The following ZFAT variants were observed in gnomAD, a reference collection of about 807,000 sequenced individuals.
ZFAT encodes zinc finger and AT-hook domain containing, also known as zinc finger protein ZFAT.
Under a neutral mutation model 117.7 loss-of-function variants are expected in ZFAT, and 64 were observed. That is an observed-to-expected ratio of 0.54 (90% CI 0.44 to 0.67). ZFAT has a LOEUF of 0.67. Ranked by LOEUF, ZFAT falls within the 30% of genes least tolerant of loss-of-function variation. The pLI is 0.00. For synonymous variants in ZFAT, 679 were observed against 615.0 expected (o/e 1.10, Z -1.54); for missense variants, 1,433 against 1,584.5 (o/e 0.90, Z 1.62).
Position 134,657,747 on chromosome 8 carries a change from A to G in ZFAT, c.20-10T>C, listed in dbSNP as rs765385042. On this transcript the variant is annotated splice_polypyrimidine_tract_variant and intron_variant, in intron 1 of 15. Coordinates refer to ENST00000377838, the MANE Select transcript of ZFAT (RefSeq NM_020863.4). ...AAGATGGCCGTGTTTTCTGTAAGGAAAAAAAAGGAAAATATGTTATTTCAT... is the reference window on the plus strand; with the variant it reads ...AAGATGGCCGTGTTTTCTGTAAGGAGAAAAAAGGAAAATATGTTATTTCAT... 5.6e-6 allele frequency: 9 copies of G among 1,607,682 alleles called. No homozygotes were observed. The highest frequency in any genetic ancestry group is 1.7e-5 in the Admixed American group (1 of 58,838).
intron 15 of ZFAT, among the ~76,000 whole-genome samples, chr8:134,505,769 G>A (rs546986916): frequency 2.6e-4 from 40 of 152,248 alleles, no homozygotes; most frequent in Non-Finnish European, 4.4e-4. Context: ...TAGCTCTCTC[G>A]ACACCTTGAG....
At chr8:134,557,680 A>C (rs373942284) in intron 11 of ZFAT, among the ~76,000 whole-genome samples, 2 of 152,242 alleles carry the variant, frequency 1.3e-5, no homozygotes, top group African/African-American at 4.8e-5. Flanking sequence ...AGAAGACAGA[A>C]AAGAAGGAAA....
chr8:134,516,312 G>T lies in ZFAT; in HGVS notation c.3235-3711C>A, dbSNP rs139894229. Among the ~76,000 whole-genome samples the T allele has an allele frequency of 1.2e-4, 18 of 152,264 alleles. No individual in the cohort carries two copies. In the East Asian group the frequency reaches 3.1e-3, roughly 26 times the overall value. ...CAAAGAATGCTTCATGGGTTATATT[G>T]GGCAGTTCTTTCAGGAGACACGCTT... is the stretch of plus-strand genomic sequence containing the variant. On this transcript the variant is annotated intron_variant, in intron 13 of 15. Transcript: ENST00000377838.
chr8:134,567,960 T>C (rs1393894998), intron 10 of ZFAT, among the ~76,000 whole-genome samples: 1 of 152,186 alleles, frequency 6.6e-6, no homozygotes, highest in Non-Finnish European at 1.5e-5. Context: ...CTTGCTTCAG[T>C]CTATGCCCCA....
chr8:134,786,967 G>C, the ZFAT span, among the ~76,000 whole-genome samples: 3 of 151,494 alleles, frequency 2.0e-5, no homozygotes, highest in East Asian at 5.8e-4. Context: ...TCCTGCCCCA[G>C]CCTGCCAAGT....
At chr8:134,782,860 C>T in the ZFAT span, among the ~76,000 whole-genome samples, 1 of 152,004 alleles carries the variant, frequency 6.6e-6, no homozygotes, top group Non-Finnish European at 1.5e-5. Context: ...CCCTGCATCT[C>T]TTTTTAAGAA....
At chr8:134,548,165 C>T (rs577919986) in intron 11 of ZFAT, among the ~76,000 whole-genome samples, 1 of 152,248 alleles carries the variant, frequency 6.6e-6, no homozygotes, top group African/African-American at 2.4e-5. Flanking sequence ...GTTCATTCAG[C>T]AAATATTTAT....
the ZFAT span, among the ~76,000 whole-genome samples, chr8:134,741,063 T>C: frequency 6.6e-6 from 1 of 152,020 alleles, no homozygotes. Flanking sequence ...CTGAAGTGAA[T>C]CAATAAAAAT....
the ZFAT span, among the ~76,000 whole-genome samples, chr8:134,778,390 C>A: frequency 6.6e-6 from 1 of 152,142 alleles, no homozygotes; most frequent in African/African-American, 2.4e-5. Flanking sequence ...CCAATCCAGC[C>A]GGCTATATGA....
At chr8:134,493,185 C>G (rs1431921698) in intron 15 of ZFAT, among the ~76,000 whole-genome samples, 1 of 152,202 alleles carries the variant, frequency 6.6e-6, no homozygotes, top group Non-Finnish European at 1.5e-5. Flanking sequence ...CCTGTGTCAC[C>G]TGGGTCTCTG....
chr8:134,586,766 C>A (rs1446117956), intron 9 of ZFAT, among the ~76,000 whole-genome samples: 3 of 152,232 alleles, frequency 2.0e-5, no homozygotes, highest in African/African-American at 4.8e-5. Flanking sequence ...GTAGGAGGTG[C>A]CTCCTCCTTC....
chr8:134,572,088 G>T (rs1156744942), intron 10 of ZFAT, among the ~76,000 whole-genome samples: 1 of 152,160 alleles, frequency 6.6e-6, no homozygotes, highest in Non-Finnish European at 1.5e-5. Flanking sequence ...TAAGGGAATG[G>T]TTACACAACT....
the ZFAT span, among the ~76,000 whole-genome samples, chr8:134,756,027 C>CT: frequency 2.6e-5 from 4 of 152,108 alleles, no homozygotes; most frequent in African/African-American, 9.7e-5. Flanking sequence ...GATTCCATCT[C>CT]TTTTTTCTTC....
the ZFAT span, among the ~76,000 whole-genome samples, chr8:134,758,820 T>C: frequency 6.6e-6 from 1 of 152,202 alleles, no homozygotes; most frequent in East Asian, 1.9e-4. Flanking sequence ...TCATGATCCA[T>C]CCTGATCCGT....
the ZFAT span, among the ~76,000 whole-genome samples, chr8:134,827,788 C>A: frequency 2.0e-5 from 3 of 148,682 alleles, no homozygotes; most frequent in Admixed American, 1.3e-4. Flanking sequence ...AAAAAAAATT[C>A]TAGTTAATAT....
At chr8:134,748,344 G>A in the ZFAT span, among the ~76,000 whole-genome samples, 2 of 152,046 alleles carry the variant, frequency 1.3e-5, no homozygotes, top group South Asian at 2.1e-4. Flanking sequence ...TGTTTTACAT[G>A]GTTCTAGACT....
At chr8:134,789,766 G>A in the ZFAT span, among the ~76,000 whole-genome samples, 1 of 152,164 alleles carries the variant, frequency 6.6e-6, no homozygotes, top group Non-Finnish European at 1.5e-5. Context: ...TGTTACATTG[G>A]TTCTTTTTCT....
chr8:134,546,076 C>T (rs1018190587), intron 11 of ZFAT, among the ~76,000 whole-genome samples: 1 of 152,212 alleles, frequency 6.6e-6, no homozygotes, highest in African/African-American at 2.4e-5. Context: ...CTGACGACGA[C>T]AACACTTATT....
chr8:134,478,620 G>A lies in ZFAT; in HGVS notation c.3594C>T (p.Ser1198=), dbSNP rs775214563. ...TCTCAATGCCCTCCACGTCGTCGGA[G>A]GACACCACCAGGTGGTGCTGCTCGG... ...ELAEQHHLVV[S]SDDVEGIETV... The change falls in exon 16 of 16, where the codon TCC becomes TCT. Residue 1198 remains serine (S), a synonymous_variant. Transcript: ENST00000377838. The surrounding 1 kb of genome is among the most constrained non-coding windows in gnomAD (Gnocchi z 5.2). 1.3e-5 allele frequency: 21 copies of A among 1,586,714 alleles called. 1 individual carries two copies. The highest frequency in any genetic ancestry group is 7.0e-5 in the East Asian group (3 of 43,088).
Sources: allele counts gnomAD v4.1 joint callset (sites outside exome capture counted in the v4.1 genomes callset), GRCh38; gene constraint gnomAD v4.1.1; non-coding constraint Gnocchi (gnomAD v3.1); transcripts MANE v1.5; gene names NCBI Gene and HGNC (gene_info 2026-07-23, HGNC 2026-07-21).